The following ARHGAP32 variants were observed in gnomAD, a reference collection of about 807,000 sequenced individuals.
ARHGAP32 encodes rho GTPase-activating protein 32.
A neutral mutation model predicts 186.5 loss-of-function variants in ARHGAP32; 51 were observed. That is an observed-to-expected ratio of 0.27 (90% CI 0.22 to 0.35). The LOEUF (loss-of-function observed/expected upper bound fraction) is 0.35, where lower values mean the gene tolerates loss of function less well. ARHGAP32 is among the 10% of genes least tolerant of loss of function. The probability of loss-of-function intolerance (pLI) is 1.00; values close to 1 mark genes in which losing one functional copy is unlikely to be tolerated. For synonymous variants in ARHGAP32, 950 were observed against 964.3 expected (o/e 0.99, Z 0.27); for missense variants, 2,186 against 2,623.5 (o/e 0.83, Z 3.64).
At chr11:129,206,946 T>A (rs1353739597) in intron 1 of ARHGAP32, among the ~76,000 whole-genome samples, 2 of 151,986 alleles carry the variant, frequency 1.3e-5, no homozygotes, top group Non-Finnish European at 2.9e-5. Flanking sequence ...GATGTTCCCC[T>A]CTCTGTGTCC....
At chr11:129,086,647 C>T (rs1236905106) in intron 6 of ARHGAP32, among the ~76,000 whole-genome samples, 1 of 152,038 alleles carries the variant, frequency 6.6e-6, no homozygotes, top group East Asian at 1.9e-4. Flanking sequence ...CGGTGAAACC[C>T]TGTCTCTACT....
At chr11:129,243,573 C>A (rs1408097219) in intron 1 of ARHGAP32, among the ~76,000 whole-genome samples, 3 of 152,160 alleles carry the variant, frequency 2.0e-5, no homozygotes, top group African/African-American at 7.2e-5. Flanking sequence ...TAGTTCTCAT[C>A]AAGTCACAAG....
chr11:129,075,977 T>C (rs1240906874), intron 6 of ARHGAP32, among the ~76,000 whole-genome samples: 1 of 152,002 alleles, frequency 6.6e-6, no homozygotes. Context: ...GCTGATAAAA[T>C]AGCAGGCGGT....
intron 18 of ARHGAP32, 27 bp from the exon 19 acceptor site, chr11:128,978,942 T>C (rs776054656): frequency 1.0e-5 from 16 of 1,586,146 alleles, no homozygotes; most frequent in Admixed American, 5.5e-5. Context: ...ATAATCAACA[T>C]TAAGATAGCC....
chr11:128,981,769 T>C (rs1945712408), intron 16 of ARHGAP32, 60 bp downstream of exon 16: 2 of 1,312,902 alleles, frequency 1.5e-6, no homozygotes, highest in Non-Finnish European at 2.2e-6. Context: ...AGAACACTGA[T>C]GAATCAGCCT....
chr11:129,014,333 GT>G (rs1409683874), intron 11 of ARHGAP32, among the ~76,000 whole-genome samples: 1 of 152,180 alleles, frequency 6.6e-6, no homozygotes, highest in Non-Finnish European at 1.5e-5. Flanking sequence ...TTAAGCCATA[GT>G]GAACCTTGGC....
At chr11:129,108,346 A>G (rs1285765202) in intron 5 of ARHGAP32, among the ~76,000 whole-genome samples, 2 of 152,184 alleles carry the variant, frequency 1.3e-5, no homozygotes, top group Admixed American at 6.5e-5. Context: ...AGACCTGGGT[A>G]GCTATACTAG....
chr11:129,177,955 G>A (rs1358148523), intron 1 of ARHGAP32, among the ~76,000 whole-genome samples: 2 of 152,058 alleles, frequency 1.3e-5, no homozygotes, highest in African/African-American at 4.8e-5. Flanking sequence ...AATTAGGCAG[G>A]AGAAGGAAAT....
chr11:129,180,963 T>C (rs1033028306), intron 1 of ARHGAP32, among the ~76,000 whole-genome samples: 1 of 152,146 alleles, frequency 6.6e-6, no homozygotes, highest in Non-Finnish European at 1.5e-5. Context: ...TCATAACTTA[T>C]GAAAAATTAC....
intron 9 of ARHGAP32, 113 bp from the exon 10 acceptor site, chr11:129,062,470 G>T: frequency 1.4e-6 from 1 of 719,530 alleles, no homozygotes; most frequent in Non-Finnish European, 2.2e-6. Flanking sequence ...TTCATGCTCT[G>T]GCCAGTAATT....
intron 2 of ARHGAP32, among the ~76,000 whole-genome samples, chr11:129,154,053 T>C (rs1943348796): frequency 6.6e-6 from 1 of 151,126 alleles, no homozygotes; most frequent in Non-Finnish European, 1.5e-5. Context: ...AAAAATCCCA[T>C]CACAAAGTAG....
In ARHGAP32 at chr11:128,965,594, C is replaced by T. The variant is rs1243687144; in HGVS notation, c.*3313G>A. On this transcript the variant is annotated 3_prime_UTR_variant, in exon 23 of 23. Coordinates refer to ENST00000682385, the MANE Select transcript of ARHGAP32 (RefSeq NM_001378024.1). ...TTATCTTGCACACGTTATAATACAC[C>T]ATTCCTGACATTTCTGTAACACACA... The T allele has an allele frequency of 6.6e-6, 1 of 152,140 alleles. No homozygotes were observed. Among genetic ancestry groups the T allele is most frequent in the East Asian group, 1.9e-4 (1 of 5,198 alleles). The allele number at this position is 152,140 out of a possible 1,614,324, so 9.4% of individuals were successfully genotyped here. A position where few individuals can be genotyped will look rare whatever the true frequency, so the allele number is the denominator to read the frequency against.
rs190762069 is a variant in ARHGAP32 at position 129,022,636 on chromosome 11, A to C, written c.1045+18292T>G. On this transcript the variant is annotated intron_variant, in intron 11 of 22. Coordinates refer to ENST00000682385, the MANE Select transcript of ARHGAP32 (RefSeq NM_001378024.1). ...ACATGAAGTGTATGTGCCAAACATT[A>C]AATTCTGTGTCAATCAATAGGAGCT... Among the ~76,000 whole-genome samples the C allele has an allele frequency of 6.6e-5, 10 of 152,284 alleles. No homozygotes were observed. In the East Asian group the frequency reaches 1.9e-3, roughly 29 times the overall value.
At chr11:129,003,477 G>A (rs1937620339) in intron 11 of ARHGAP32, among the ~76,000 whole-genome samples, 1 of 152,152 alleles carries the variant, frequency 6.6e-6, no homozygotes, top group Non-Finnish European at 1.5e-5. Context: ...TTGATTAAAT[G>A]TTTGGTAAAA....
chr11:129,060,132 G>T (rs1271617323), intron 10 of ARHGAP32, among the ~76,000 whole-genome samples: 3 of 152,206 alleles, frequency 2.0e-5, no homozygotes, highest in Admixed American at 6.5e-5. Flanking sequence ...AACTAATTGT[G>T]TGCGTCTCAA....
At chr11:129,049,439 T>C (rs1939946871) in intron 10 of ARHGAP32, among the ~76,000 whole-genome samples, 1 of 152,138 alleles carries the variant, frequency 6.6e-6, no homozygotes, top group South Asian at 2.1e-4. Context: ...TACATTTTGA[T>C]AAAACACCCA....
intron 6 of ARHGAP32, 128 bp from the exon 7 acceptor site, chr11:129,066,996 T>TA: frequency 6.4e-6 from 5 of 777,356 alleles, no homozygotes; most frequent in Non-Finnish European, 9.9e-6. Flanking sequence ...TTCTATTAAC[T>TA]TGATAGTTAA....
intron 5 of ARHGAP32, among the ~76,000 whole-genome samples, chr11:129,120,822 G>A (rs1386509623): frequency 6.6e-6 from 1 of 152,108 alleles, no homozygotes. Flanking sequence ...GTATGTCACT[G>A]CAGAATGTCC....
At chr11:129,058,252 A>C (rs1016729695) in intron 10 of ARHGAP32, among the ~76,000 whole-genome samples, 2 of 142,960 alleles carry the variant, frequency 1.4e-5, no homozygotes, top group Non-Finnish European at 1.5e-5. Flanking sequence ...ATATATATAT[A>C]TCTCATATAC....
Sources: gnomAD v4.1 joint callset for allele counts (sites outside exome capture counted in the v4.1 genomes callset) on GRCh38, gnomAD v4.1.1 for gene constraint, MANE v1.5 for transcripts, NCBI Gene and HGNC (gene_info 2026-07-23, HGNC 2026-07-21) for gene names.